Variants in LOC101059915 observed in about 807,000 individuals in gnomAD.
At chrX:71,670,313 G>A in the LOC101059915 span, 9 of 1,163,734 alleles carry the variant, frequency 7.7e-6, no homozygotes, top group Admixed American at 5.2e-5. Context: ...AGCAGCCCCC[G>A]GGAGCCCAGG....
At chrX:71,670,176 G>A in the LOC101059915 span, 1 of 1,109,939 alleles carries the variant, frequency 9.0e-7, no homozygotes, top group Non-Finnish European at 1.2e-6. Context: ...AGCAGAGGGT[G>A]ATGGTGCCTC....
chrX:71,667,827 C>T, the LOC101059915 span: 67 of 1,073,488 alleles, frequency 6.2e-5, no homozygotes, highest in African/African-American at 1.1e-3. Flanking sequence ...ATGAAGTGTC[C>T]GTTTGCAGGG....
the LOC101059915 span, chrX:71,668,904 G>C: frequency 8.9e-7 from 1 of 1,121,960 alleles, no homozygotes; most frequent in African/African-American, 1.9e-5. Context: ...TGGGGCTCCT[G>C]GGGAAGTCCG....
At chrX:71,667,894 G>A in the LOC101059915 span, 8 of 1,113,997 alleles carry the variant, frequency 7.2e-6, no homozygotes, top group Non-Finnish European at 9.4e-6. Context: ...CAGCCCGGGA[G>A]CCCCACGGGG....
At chrX:71,668,185 A>G in the LOC101059915 span, 4 of 1,126,007 alleles carry the variant, frequency 3.6e-6, no homozygotes, top group Non-Finnish European at 4.7e-6. Flanking sequence ...AGAAGGCGCC[A>G]CTGCCAAAGG....
the LOC101059915 span, chrX:71,669,141 C>T: frequency 7.0e-6 from 7 of 994,958 alleles, no homozygotes; most frequent in Non-Finnish European, 9.4e-6. Context: ...GCACACGCCT[C>T]TTTGCCCATG....
At chrX:71,668,845 C>A in the LOC101059915 span, 2 of 1,090,173 alleles carry the variant, frequency 1.8e-6, no homozygotes, top group Non-Finnish European at 2.4e-6. Context: ...GGGGCAGAGA[C>A]TTTCAGCAGT....
At chrX:71,668,739 C>T in the LOC101059915 span, 9 of 1,072,126 alleles carry the variant, frequency 8.4e-6, no homozygotes, top group East Asian at 3.1e-4. Flanking sequence ...TTAGAGGGCC[C>T]CTACCCCGGG....
the LOC101059915 span, chrX:71,670,200 C>T: frequency 8.6e-7 from 1 of 1,156,585 alleles, no homozygotes; most frequent in African/African-American, 1.8e-5. Context: ...TTAGACCCTG[C>T]TACGCCCTTT....
At chrX:71,671,102 C>A in the LOC101059915 span, 4 of 1,151,638 alleles carry the variant, frequency 3.5e-6, no homozygotes, top group Non-Finnish European at 4.6e-6. Flanking sequence ...AGTCCCAGGG[C>A]TGGTGGGGTT....
At chrX:71,671,321 G>A in the LOC101059915 span, 3 of 1,054,031 alleles carry the variant, frequency 2.8e-6, no homozygotes, top group Non-Finnish European at 3.8e-6. Context: ...CACCCTGGCT[G>A]GGGGCCCATC....
At chrX:71,667,942 C>T in the LOC101059915 span, 162 of 1,151,067 alleles carry the variant, frequency 1.4e-4, no homozygotes, top group Non-Finnish European at 1.2e-4. Flanking sequence ...TGGGGGGCAG[C>T]GCAGTGGCAA....
chrX:71,669,160 A>G, the LOC101059915 span: 3 of 913,114 alleles, frequency 3.3e-6, no homozygotes, highest in African/African-American at 2.0e-5. Context: ...TGCCCTCTCT[A>G]TCCCTTGCTC....
At chrX:71,669,294 C>T in the LOC101059915 span, among the ~76,000 whole-genome samples, 2 of 111,868 alleles carry the variant, frequency 1.8e-5, no homozygotes, top group African/African-American at 6.5e-5. Context: ...TGCAGTTGTC[C>T]TGCCTCCTCC....
chrX:71,671,192 GTC>G, the LOC101059915 span: 36 of 1,165,275 alleles, frequency 3.1e-5, no homozygotes, highest in Non-Finnish European at 4.0e-5. Flanking sequence ...ACCCAGTTCT[GTC>G]TCTCTGTTTC....
chrX:71,670,948 T>G, the LOC101059915 span: 5 of 752,628 alleles, frequency 6.6e-6, no homozygotes, highest in South Asian at 6.8e-5. Flanking sequence ...TGCCTGGTAC[T>G]GCTTGTATGG....
chrX:71,670,561 G>A, the LOC101059915 span: 5 of 1,094,608 alleles, frequency 4.6e-6, no homozygotes, highest in Middle Eastern at 3.6e-4. Flanking sequence ...GGGGAGAAAG[G>A]AAGCCAGAAT....
the LOC101059915 span, chrX:71,670,304 G>A: frequency 8.9e-5 from 104 of 1,164,098 alleles, no homozygotes; most frequent in South Asian, 1.1e-3. Flanking sequence ...AAAGGCAGCA[G>A]CAGCCCCCGG....
At chrX:71,668,318 G>A in the LOC101059915 span, 1 of 1,135,014 alleles carries the variant, frequency 8.8e-7, no homozygotes, top group Non-Finnish European at 1.2e-6. Flanking sequence ...CCTGGGCCAG[G>A]ACCGGCCTGG....
Sources: allele counts gnomAD v4.1 joint callset (sites outside exome capture counted in the v4.1 genomes callset), GRCh38; gene constraint gnomAD v4.1.1; transcripts MANE v1.5.